MTMR10: variants seen among roughly 807,000 people sequenced by gnomAD.
MTMR10 encodes myotubularin related protein 10.
In MTMR10, 56 loss-of-function variants were observed where a neutral mutation model predicts 88.1. The ratio of observed to expected loss-of-function variants is 0.64; its 90% CI spans 0.51 to 0.79. The LOEUF is 0.79. Among genes scored for constraint, MTMR10 ranks in the 30% least tolerant of loss-of-function variants. The probability of loss-of-function intolerance (pLI) is 0.00; values close to 1 mark genes in which losing one functional copy is unlikely to be tolerated. For synonymous variants in MTMR10, 380 were observed against 340.9 expected, an observed-to-expected ratio of 1.11 and a Z score of -1.26; for missense variants, 883 against 924.7, an observed-to-expected ratio of 0.95 and a Z score of 0.58.
At chr15:30,955,021 CT>C (rs374377748) in intron 9 of MTMR10, 128 bp from the exon 10 acceptor site, 39,769 of 549,192 alleles carry the variant, frequency 0.072, 98 homozygotes, top group South Asian at 0.14. Context: ...ATGGAGTTTA[CT>C]TTTTTTTTTT....
chr15:30,937,090 A>G (rs776151313), downstream of MTMR10: 6 of 1,599,094 alleles, frequency 3.8e-6, no homozygotes, highest in South Asian at 4.5e-5. Context: ...TAAGATACTA[A>G]TAACAACTTT....
the MTMR10 span, among the ~76,000 whole-genome samples, chr15:30,924,368 C>T: frequency 6.6e-6 from 1 of 152,168 alleles, no homozygotes; most frequent in Non-Finnish European, 1.5e-5. Flanking sequence ...ACTGCTGGGT[C>T]CTGTGGTGAT....
intron 9 of MTMR10, among the ~76,000 whole-genome samples, chr15:30,957,957 G>C (rs1450363531): frequency 2.0e-5 from 3 of 152,190 alleles, no homozygotes; most frequent in Admixed American, 1.3e-4. Context: ...TCTGAAAAGT[G>C]AAGTGAGAAA....
At position 30,940,592 on chromosome 15, in the gene MTMR10, C is replaced by T. The variant is rs147062183; in HGVS notation, c.*878G>A. 563 of 985,278 alleles carry T rather than the reference C, an allele frequency of 5.7e-4. No homozygotes were observed. The African/African-American group carries it at 7.5e-3, about 13-fold the overall frequency. The allele number at this position is 985,278 out of a possible 1,614,324, so 61.0% of individuals were successfully genotyped here. A position where few individuals can be genotyped will look rare whatever the true frequency, so the allele number is the denominator to read the frequency against. ...AGCAAGCCTTGTTTGTTTTTGAGGG[C>T]GAGTTTTGGCATAGATGGCACTCTC... On this transcript the variant is annotated 3_prime_UTR_variant, in exon 16 of 16. Transcript: ENST00000435680.
Position 30,941,248 on chromosome 15 carries a change from C to G in MTMR10, c.*222G>C. 1 of 1,449,848 alleles carries G rather than the reference C, an allele frequency of 6.9e-7. No homozygotes were observed. Among genetic ancestry groups the G allele is most frequent in the African/African-American group, 1.4e-5 (1 of 71,274 alleles). The allele number at this position is 1,449,848 out of a possible 1,614,324, so 89.8% of individuals were successfully genotyped here. On this transcript the variant is annotated 3_prime_UTR_variant, in exon 16 of 16. Coordinates refer to ENST00000435680, the MANE Select transcript of MTMR10 (RefSeq NM_017762.3). The stretch of plus-strand genomic sequence containing the variant: ...AACAGTTTGATCACGGTTACAAGAG[C>G]CAGACCTGTAATGACAGAAAGAGGA...
intron 12 of MTMR10, among the ~76,000 whole-genome samples, chr15:30,950,944 T>C (rs1375706611): frequency 6.6e-6 from 1 of 152,206 alleles, no homozygotes; most frequent in African/African-American, 2.4e-5. Context: ...TGTTATACTA[T>C]ACTGTTTAGA....
intron 6 of MTMR10, among the ~76,000 whole-genome samples, chr15:30,967,005 A>G (rs1472191362): frequency 1.3e-5 from 2 of 152,108 alleles, no homozygotes; most frequent in Non-Finnish European, 2.9e-5. Context: ...GCTGGAATAT[A>G]CTTTTATTAT....
Position 30,959,101 on chromosome 15 carries a change from A to G in MTMR10, c.779T>C (p.Val260Ala). The G allele has an allele frequency of 6.2e-7, 1 of 1,603,654 alleles. No homozygotes were observed. Among genetic ancestry groups the G allele is most frequent in the Non-Finnish European group, 8.5e-7 (1 of 1,174,816 alleles). Residue 260 changes from valine to alanine, a missense_variant, in exon 8 of 16, where the codon GTG (valine) becomes GCG (alanine). Physicochemically the swap from Val to Ala is moderately conservative, Grantham distance 64 (BLOSUM62 0). Transcript: ENST00000435680. Reference protein sequence around the residue: ...ISTCLPEYIVVPSSLADQDLK... With the variant: ...ISTCLPEYIVAPSSLADQDLK... ...ATCTTGGTCTGCTAAAGAACTTGGC[A>G]CTACAATGTATTCTGGAAGGCTGGA...
chr15:30,937,268 T>C, downstream of MTMR10: 1 of 1,596,300 alleles, frequency 6.3e-7, no homozygotes, highest in East Asian at 2.2e-5. Flanking sequence ...AGGTATGGAA[T>C]TGGGGATATT....
At chr15:30,981,930 G>T (rs1437681643) in intron 2 of MTMR10, among the ~76,000 whole-genome samples, 1 of 151,916 alleles carries the variant, frequency 6.6e-6, no homozygotes, top group African/African-American at 2.4e-5. Flanking sequence ...AATTAGCTGG[G>T]CCTGGTGGTG....
chr15:30,940,065 A>G lies in MTMR10; in HGVS notation c.*1405T>C. On this transcript the variant is annotated 3_prime_UTR_variant, in exon 16 of 16. Coordinates refer to ENST00000435680, the MANE Select transcript of MTMR10 (RefSeq NM_017762.3). Reference sequence around the variant, plus strand: ...CAGTTATCTTGAAAACACTTGTTTTAGAAAAGGAAATAAGCTAACTAGACA... The same window carrying G: ...CAGTTATCTTGAAAACACTTGTTTTGGAAAAGGAAATAAGCTAACTAGACA... The G allele has an allele frequency of 3.1e-6, 3 of 982,368 alleles. No homozygotes were observed. Among genetic ancestry groups the G allele is most frequent in the Non-Finnish European group, 3.6e-6 (3 of 827,146 alleles). 60.9% of individuals were successfully genotyped at this position (982,368 alleles called of 1,614,324 possible). A position where few individuals can be genotyped will look rare whatever the true frequency, so the allele number is the denominator to read the frequency against.
chr15:30,955,097 A>T (rs1279469848), intron 9 of MTMR10, among the ~76,000 whole-genome samples: 1 of 151,232 alleles, frequency 6.6e-6, no homozygotes, highest in Non-Finnish European at 1.5e-5. Context: ...GTTTCTCTGC[A>T]TGATTTTTCT....
At chr15:30,925,664 G>A in the MTMR10 span, 2 of 1,084,944 alleles carry the variant, frequency 1.8e-6, no homozygotes, top group South Asian at 1.4e-5. Context: ...TGAGCCCCAC[G>A]CTGTGTGCTC....
At chr15:30,979,483 C>G (rs181493347) in intron 2 of MTMR10, among the ~76,000 whole-genome samples, 1 of 151,986 alleles carries the variant, frequency 6.6e-6, no homozygotes, top group East Asian at 1.9e-4. Flanking sequence ...GAGGCTGAGG[C>G]AGGAGAACTG....
intron 6 of MTMR10, among the ~76,000 whole-genome samples, chr15:30,962,931 A>G (rs989013385): frequency 6.6e-6 from 1 of 152,222 alleles, no homozygotes; most frequent in African/African-American, 2.4e-5. Flanking sequence ...GGAGGTAGGC[A>G]TGCTAGACAG....
chr15:30,943,434 A>C, intron 14 of MTMR10: 2 of 985,238 alleles, frequency 2.0e-6, no homozygotes, highest in Non-Finnish European at 2.4e-6. Flanking sequence ...TTATGAGCAC[A>C]CGGTCAGTAC....
the MTMR10 span, chr15:30,930,819 T>G: frequency 1.1e-6 from 1 of 952,188 alleles, no homozygotes; most frequent in African/African-American, 1.6e-5. Flanking sequence ...TGTGGGCCTG[T>G]CCCCTGCGAC....
intron 13 of MTMR10, 84 bp from the exon 14 acceptor site, chr15:30,947,384 A>T (rs945671325): frequency 2.1e-6 from 3 of 1,442,822 alleles, no homozygotes; most frequent in African/African-American, 2.9e-5. Context: ...TGCTGATGTT[A>T]AAGAAGAGAT....
Position 30,958,919 on chromosome 15 carries a change from A to G in MTMR10, c.879T>C (p.Ala293=), listed in dbSNP as rs749855756. The G allele has an allele frequency of 8.7e-6, 14 of 1,614,012 alleles. No homozygotes were observed. In the Admixed American group the frequency reaches 1.0e-4, roughly 12 times the overall value. The change falls in exon 9 of 16, where the codon GCT becomes GCC. Residue 293 remains alanine, a synonymous_variant. Coordinates refer to ENST00000435680, the MANE Select transcript of MTMR10 (RefSeq NM_017762.3). ...LWCWSHSNGS[A]LVRMALIKDV... ...CTTTGATGAGGGCCATTCGCACAAGAGCACTGCCGTTAGAGTGGCTCCAGC... is the reference window on the plus strand; with the variant it reads ...CTTTGATGAGGGCCATTCGCACAAGGGCACTGCCGTTAGAGTGGCTCCAGC...
Sources: gnomAD v4.1 joint callset for allele counts (sites outside exome capture counted in the v4.1 genomes callset) on GRCh38, gnomAD v4.1.1 for gene constraint, MANE v1.5 for transcripts, NCBI Gene and HGNC (gene_info 2026-07-23, HGNC 2026-07-21) for gene names.